UGT1A10: variants seen among roughly 807,000 people sequenced by gnomAD.
UGT1A10 encodes the protein UDP glucuronosyltransferase family 1 member A10.
A neutral mutation model predicts 45.8 loss-of-function variants in UGT1A10; 49 were observed. The observed-to-expected ratio is 1.07, with a 90% CI of 0.85 to 1.36. The LOEUF (loss-of-function observed/expected upper bound fraction) is 1.36. Ranked by LOEUF, UGT1A10 falls within the 40% of genes most tolerant of loss-of-function variation. The probability of loss-of-function intolerance (pLI) is 0.00; values close to 1 mark genes in which losing one functional copy is unlikely to be tolerated. For synonymous variants in UGT1A10, 284 were observed against 249.7 expected, an observed-to-expected ratio of 1.14 and a Z score of -1.29; for missense variants, 745 against 668.6, an observed-to-expected ratio of 1.11 and a Z score of -1.26.
At chr2:233,748,948 C>T (rs1323524016) in intron 1 of UGT1A10, among the ~76,000 whole-genome samples, 1 of 151,628 alleles carries the variant, frequency 6.6e-6, no homozygotes, top group Non-Finnish European at 1.5e-5. Context: ...CCACCCTATC[C>T]CACTCCAAGT....
At chr2:233,728,644 GT>G (rs1404830027) in intron 1 of UGT1A10, among the ~76,000 whole-genome samples, 1 of 152,172 alleles carries the variant, frequency 6.6e-6, no homozygotes, top group African/African-American at 2.4e-5. Context: ...ATGTTGTATG[GT>G]TTTTGGATGC....
At chr2:233,744,461 A>T (rs6741543) in intron 1 of UGT1A10, among the ~76,000 whole-genome samples, 5,148 of 151,990 alleles carry the variant, frequency 0.034, 162 homozygotes, top group African/African-American at 0.052. Context: ...ATTAAAACAG[A>T]ATTAAAAAGA....
At chr2:233,747,557 A>C (rs1485247055) in intron 1 of UGT1A10, 7 of 1,596,092 alleles carry the variant, frequency 4.4e-6, no homozygotes, top group Non-Finnish European at 6.0e-6. Flanking sequence ...AAAGTATGGC[A>C]ATTTTGAAAA....
chr2:233,690,988 G>A (rs2125547227), intron 1 of UGT1A10: 4 of 994,376 alleles, frequency 4.0e-6, no homozygotes, highest in Middle Eastern at 5.1e-4. Flanking sequence ...CCACATATGA[G>A]CAACAGGATT....
chr2:233,668,390 CT>C (rs2074119897), intron 1 of UGT1A10, among the ~76,000 whole-genome samples: 1 of 152,114 alleles, frequency 6.6e-6, no homozygotes, highest in Non-Finnish European at 1.5e-5. Context: ...TGAACTCATC[CT>C]TTTTTATGGC....
At chr2:233,691,835 G>A (rs2075059557) in intron 1 of UGT1A10, 1 of 166,852 alleles carries the variant, frequency 6.0e-6, no homozygotes, top group African/African-American at 2.4e-5. Context: ...GTAACAGTTT[G>A]AATGTTGTTA....
chr2:233,718,962 T>G (rs2011425), intron 1 of UGT1A10: 152,197 of 1,614,090 alleles, frequency 0.094, 8,216 homozygotes, highest in South Asian at 0.19. Context: ...GCGGGAGGCC[T>G]TGCGGGAGCT....
intron 1 of UGT1A10, among the ~76,000 whole-genome samples, chr2:233,681,728 C>A (rs892364832): frequency 1.3e-5 from 2 of 152,122 alleles, no homozygotes; most frequent in Non-Finnish European, 2.9e-5. Flanking sequence ...ATGAGTTACT[C>A]TTTTCTTGAA....
chr2:233,718,694 G>C, intron 1 of UGT1A10: 1 of 1,591,628 alleles, frequency 6.3e-7, no homozygotes, highest in Non-Finnish European at 8.5e-7. Context: ...CTGGAGGAGG[G>C]CACTTTGTCT....
At chr2:233,764,549 G>A (rs1698590691) in intron 1 of UGT1A10, among the ~76,000 whole-genome samples, 1 of 152,222 alleles carries the variant, frequency 6.6e-6, no homozygotes, top group Non-Finnish European at 1.5e-5. Flanking sequence ...GGGCGTGTGG[G>A]AGGGTGTGCC....
At position 233,759,527 on chromosome 2, in the gene UGT1A10, C is replaced by T. The variant is rs146278701; in HGVS notation, c.856-7507C>T. Among the ~76,000 whole-genome samples the T allele has an allele frequency of 6.8e-3, 1,028 of 152,228 alleles. 8 individuals are homozygous for T. Among genetic ancestry groups the T allele is most frequent in the Non-Finnish European group, 8.6e-3 (582 of 68,014 alleles). On this transcript the variant is annotated intron_variant, in intron 1 of 4. Coordinates refer to ENST00000344644, the MANE Select transcript of UGT1A10 (RefSeq NM_019075.4). Reference sequence around the variant, plus strand: ...AATAAAGGCCTGTCCTTGGGGAAGACTTCTGTTCACATGCGCTCCAGTGAA... The same window carrying T: ...AATAAAGGCCTGTCCTTGGGGAAGATTTCTGTTCACATGCGCTCCAGTGAA...
chr2:233,743,863 G>A (rs369107156), intron 1 of UGT1A10: 364 of 1,364,642 alleles, frequency 2.7e-4, no homozygotes, highest in Middle Eastern at 2.1e-4. Context: ...CCTTCTTGAT[G>A]GCCTCGGATG....
chr2:233,713,181 G>A, intron 1 of UGT1A10: 2 of 1,614,248 alleles, frequency 1.2e-6, no homozygotes, highest in Non-Finnish European at 1.7e-6. Flanking sequence ...CCTCACCCTG[G>A]AGGTGAATAT....
rs199688431 is a variant in UGT1A10 at position 233,719,254 on chromosome 2, C to T, written c.856-47780C>T. ...CTGATCAGGCACCTGAATGCTACTTCCTTTGATGTGGTTTTAACAGACCCC... is the reference window on the plus strand; with the variant it reads ...CTGATCAGGCACCTGAATGCTACTTTCTTTGATGTGGTTTTAACAGACCCC... On this transcript the variant is annotated intron_variant, in intron 1 of 4. Transcript: ENST00000344644. 4.6e-5 allele frequency: 75 copies of T among 1,614,048 alleles called. No homozygotes were observed. The Middle Eastern group carries it at 2.5e-3, about 53-fold the overall frequency.
intron 1 of UGT1A10, among the ~76,000 whole-genome samples, chr2:233,685,741 T>G (rs17868325): frequency 0.18 from 27,719 of 152,252 alleles, 2,749 homozygotes; most frequent in Non-Finnish European, 0.23. Context: ...TTCTCCATTT[T>G]TTCTTCCATT....
rs1575845163 is a variant in UGT1A10, at chr2:233,769,671, ATG to A, written c.1295+1241_1295+1242del. 2.5e-6 allele frequency: 4 copies of A among 1,588,796 alleles called. No homozygotes were observed. The highest frequency in any genetic ancestry group is 4.5e-5 in the East Asian group (2 of 44,092). On this transcript the variant is annotated intron_variant, in intron 4 of 4. Coordinates refer to ENST00000344644, the MANE Select transcript of UGT1A10 (RefSeq NM_019075.4). This position sits in a 1 kb window ranked among gnomAD's most constrained non-coding sequence, Gnocchi z 4.4. ...CTGACTTCCCACCTTTGAGGTGCTA[ATG>A]TGTGTGTGGTGGCACTGGATAAAAG...
intron 1 of UGT1A10, among the ~76,000 whole-genome samples, chr2:233,757,535 A>AATATATATAC (rs376887521): frequency 4.5e-5 from 4 of 88,310 alleles, no homozygotes; most frequent in South Asian, 5.2e-4. Context: ...GCCTGTAAGG[A>AATATATATAC]ATATATATAT....
intron 1 of UGT1A10, among the ~76,000 whole-genome samples, chr2:233,703,429 CTCTATT>C (rs2075738340): frequency 6.6e-6 from 1 of 151,928 alleles, no homozygotes; most frequent in Admixed American, 6.6e-5. Context: ...TCTATTGCTT[CTCTATT>C]TCTATGTCGT....
intron 1 of UGT1A10, among the ~76,000 whole-genome samples, chr2:233,684,688 G>A (rs576173174): frequency 6.6e-6 from 1 of 152,146 alleles, no homozygotes; most frequent in South Asian, 2.1e-4. Context: ...AGGATTTATA[G>A]ATGTGGAAGG....
Sources: allele counts gnomAD v4.1 joint callset (sites outside exome capture counted in the v4.1 genomes callset), GRCh38; gene constraint gnomAD v4.1.1; non-coding constraint Gnocchi (gnomAD v3.1); transcripts MANE v1.5; gene names NCBI Gene and HGNC (gene_info 2026-07-23, HGNC 2026-07-21).